Variants in MGA observed in about 807,000 individuals in gnomAD.
MGA encodes MAX gene-associated protein.
A neutral mutation model predicts 261.1 loss-of-function variants in MGA; 40 were observed. That is an observed-to-expected ratio of 0.15 (90% confidence interval 0.12 to 0.20). MGA has a LOEUF of 0.20. MGA is among the 10% of genes least tolerant of loss of function. The pLI is 1.00. For synonymous variants in MGA, 1,302 were observed against 1,290.6 expected (o/e 1.01, Z -0.19); for missense variants, 3,397 against 3,630.5 (o/e 0.94, Z 1.65).
chr15:41,746,292 G>A (rs1267724454), intron 15 of MGA, among the ~76,000 whole-genome samples: 1 of 152,184 alleles, frequency 6.6e-6, no homozygotes, highest in Admixed American at 6.5e-5. Flanking sequence ...TGTAATCCCA[G>A]CACTTTGGGA....
chr15:41,716,393 G>T (rs1306998388), intron 9 of MGA, among the ~76,000 whole-genome samples: 3 of 152,108 alleles, frequency 2.0e-5, no homozygotes, highest in Non-Finnish European at 4.4e-5. Flanking sequence ...GGCAGAGCTT[G>T]CAGTGAGCCG....
intron 2 of MGA, among the ~76,000 whole-genome samples, chr15:41,695,847 GC>G (rs762110037): frequency 2.0e-5 from 3 of 152,158 alleles, no homozygotes; most frequent in Non-Finnish European, 4.4e-5. Flanking sequence ...CAGTTTAATG[GC>G]CCTTTCCGGT....
At chr15:41,658,991 G>A (rs2057271803), upstream of MGA, among the ~76,000 whole-genome samples, 1 of 152,176 alleles carries the variant, frequency 6.6e-6, no homozygotes, top group African/African-American at 2.4e-5. Context: ...ATCCTTGAGA[G>A]GAAGGCATTC....
chr15:41,669,987 A>T (rs763657295), intron 2 of MGA, 29 bp downstream of exon 2: 6 of 1,556,648 alleles, frequency 3.9e-6, no homozygotes, highest in Non-Finnish European at 5.3e-6. Context: ...GTTCTTAGAA[A>T]TAAAAGGAAG....
At chr15:41,685,129 ATTAAT>A (rs1330592620) in intron 2 of MGA, among the ~76,000 whole-genome samples, 1 of 152,218 alleles carries the variant, frequency 6.6e-6, no homozygotes, top group African/African-American at 2.4e-5. Flanking sequence ...GTCTTGAATT[ATTAAT>A]AATTTTTGTA....
In MGA at chr15:41,697,124, C is replaced by A. The variant is rs973843492; in HGVS notation, c.2013+101C>A. ...GATTTACAATCTAGTTTTGTGATATCTATTTGTGAGGGTGTATGGGGGGTG... is the reference window on the plus strand; with the variant it reads ...GATTTACAATCTAGTTTTGTGATATATATTTGTGAGGGTGTATGGGGGGTG... On this transcript the variant is annotated intron_variant, in intron 3 of 23. Transcript: ENST00000219905. 13 of 1,058,862 alleles carry A rather than the reference C, an allele frequency of 1.2e-5. No homozygotes were observed. The South Asian group carries it at 1.4e-4, about 12-fold the overall frequency. The allele number at this position is 1,058,862 out of a possible 1,614,324, so 65.6% of individuals were successfully genotyped here.
intron 1 of MGA, among the ~76,000 whole-genome samples, chr15:41,625,636 C>T (rs1280629305): frequency 6.6e-6 from 1 of 152,098 alleles, no homozygotes; most frequent in Non-Finnish European, 1.5e-5. Flanking sequence ...ATCACTTGAA[C>T]CCAGAAGGTC....
rs34069193 is a variant in MGA at position 41,762,461 on chromosome 15, GTTTTTTTTTTTT to G, written c.7744+118_7744+129del. Reference sequence around the variant, plus strand: ...TTGTCCACATTTTTAGTTTTGTGTGGTTTTTTTTTTTTTTTTTTTTTTTTTTTTTTGGAGACA... The same window carrying G: ...TTGTCCACATTTTTAGTTTTGTGTGGTTTTTTTTTTTTTTTTTTGGAGACA... On this transcript the variant is annotated intron_variant, in intron 22 of 23. Transcript: ENST00000219905. 2.6e-3 allele frequency: 365 copies of G among 138,430 alleles called. 1 individual carries two copies. Among genetic ancestry groups the G allele is most frequent in the African/African-American group, 0.015 (225 of 15,434 alleles). The allele number at this position is 138,430 out of a possible 1,614,324, so 8.6% of individuals were successfully genotyped here.
In MGA at chr15:41,699,511, T is replaced by TG. The variant is rs1342672273; in HGVS notation, c.2188+352_2188+353insG. ...TTTGTTTATGTGTGTGTGTGTGTGTTTGTTTGAGACGGAGTTTCGCTCTGT... is the reference window on the plus strand; with the variant it reads ...TTTGTTTATGTGTGTGTGTGTGTGTTGTGTTTGAGACGGAGTTTCGCTCTGT... On this transcript the variant is annotated intron_variant, in intron 5 of 23. Transcript: ENST00000219905. Among the ~76,000 whole-genome samples, 49 of 144,126 alleles carry TG rather than the reference T, an allele frequency of 3.4e-4. No homozygotes were observed. The South Asian group carries it at 7.8e-3, about 23-fold the overall frequency. The allele number at this position is 144,126 out of a possible 152,430, so 94.6% of individuals were successfully genotyped here. A position where few individuals can be genotyped will look rare whatever the true frequency, so the allele number is the denominator to read the frequency against.
In MGA at chr15:41,668,915, T is replaced by C. The variant is rs138712718; in HGVS notation, c.21T>C (p.Ile7=). ...AAATCATGGAGGAGAAACAGCAGAT[T>C]ATATTGGCTAATCAAGATGGTGGAA... Residue 7 remains isoleucine, a synonymous_variant, in exon 2 of 24, where the codon ATT becomes ATC. Transcript: ENST00000219905. 3 of 1,575,492 alleles carry C rather than the reference T, an allele frequency of 1.9e-6. No individual in the cohort carries two copies. The highest frequency in any genetic ancestry group is 2.6e-6 in the Non-Finnish European group (3 of 1,154,898).
In MGA at chr15:41,765,175, G is replaced by A. The variant is rs2063735369; in HGVS notation, c.7921+113G>A. On this transcript the variant is annotated intron_variant, in intron 23 of 23. Transcript: ENST00000219905. ...GTAATGATAAAGAGCTATTCTGTTG[G>A]CATTTGCCTTGGTAAGAGGTGGCCC... The A allele has an allele frequency of 4.8e-6, 6 of 1,263,082 alleles. No individual in the cohort carries two copies. In the Admixed American group the frequency reaches 9.5e-5, roughly 20 times the overall value. 78.2% of individuals were successfully genotyped at this position (1,263,082 alleles called of 1,614,324 possible).
chr15:41,736,415 G>A lies in MGA; in HGVS notation c.4151G>A (p.Gly1384Asp). Reference sequence around the variant, plus strand: ...TTGGCTTCTCAGCGAAAGAGCCGGGGTGAGAAGAACCCTCCTGTTTATTCT... The same window carrying A: ...TTGGCTTCTCAGCGAAAGAGCCGGGATGAGAAGAACCCTCCTGTTTATTCT... Residue 1384 changes from glycine (G) to aspartate (D), a missense_variant, in exon 13 of 24, where the codon GGT becomes GAT. By Grantham distance (94) the Gly-to-Asp change is moderately conservative. Around this residue, in one of 9 missense-constraint regions of MGA, gnomAD observed 1,410 missense variants for 1,386.4 expected, o/e 1.02. Coordinates refer to ENST00000219905, the MANE Select transcript of MGA (RefSeq NM_001164273.2). The A allele has an allele frequency of 6.2e-7, 1 of 1,614,028 alleles. No individual in the cohort carries two copies. The highest frequency in any genetic ancestry group is 8.5e-7 in the Non-Finnish European group (1 of 1,179,902).
At chr15:41,689,457 A>C (rs979635044) in intron 2 of MGA, among the ~76,000 whole-genome samples, 1 of 151,284 alleles carries the variant, frequency 6.6e-6, no homozygotes, top group African/African-American at 2.4e-5. Context: ...AAAAAAAGTC[A>C]GTAGTCATTT....
intron 2 of MGA, among the ~76,000 whole-genome samples, chr15:41,673,253 T>C (rs1282536593): frequency 6.6e-6 from 1 of 152,158 alleles, no homozygotes; most frequent in Admixed American, 6.6e-5. Flanking sequence ...AGTCTTGCCC[T>C]GTTGCCCAGG....
At chr15:41,695,466 C>G in intron 2 of MGA, among the ~76,000 whole-genome samples, 1 of 152,134 alleles carries the variant, frequency 6.6e-6, no homozygotes, top group East Asian at 1.9e-4. Context: ...GGATTACAGG[C>G]GTGAGCCATC....
At chr15:41,676,665 GT>G (rs2058397953) in intron 2 of MGA, among the ~76,000 whole-genome samples, 1 of 151,882 alleles carries the variant, frequency 6.6e-6, no homozygotes. Flanking sequence ...AATTGTTTTA[GT>G]TTTTTTAGCC....
intron 3 of MGA, among the ~76,000 whole-genome samples, chr15:41,697,420 T>TC (rs1281490201): frequency 6.8e-6 from 1 of 146,596 alleles, no homozygotes; most frequent in Non-Finnish European, 1.5e-5. Flanking sequence ...TTTCTTTTCT[T>TC]TTTTTTTTTT....
intron 1 of MGA, among the ~76,000 whole-genome samples, chr15:41,642,478 TTTATTA>T (rs919506386): frequency 6.6e-6 from 1 of 150,956 alleles, no homozygotes; most frequent in Non-Finnish European, 1.5e-5. Context: ...CCCAGCTAAT[TTTATTA>T]TTATTATTAT....
At chr15:41,732,248 C>T (rs1292640758) in intron 11 of MGA, among the ~76,000 whole-genome samples, 3 of 151,630 alleles carry the variant, frequency 2.0e-5, no homozygotes, top group Admixed American at 6.6e-5. Flanking sequence ...TTCCAGTTCA[C>T]GCCATTCTCC....
Sources: allele counts gnomAD v4.1 joint callset (sites outside exome capture counted in the v4.1 genomes callset), GRCh38; gene constraint gnomAD v4.1.1; regional missense constraint gnomAD v4.1.1; transcripts MANE v1.5; gene names NCBI Gene and HGNC (gene_info 2026-07-23, HGNC 2026-07-21).